The following KCNIP1 variants were observed in gnomAD, a reference collection of about 807,000 sequenced individuals.
KCNIP1 encodes potassium voltage-gated channel interacting protein 1.
A neutral mutation model predicts 33.0 loss-of-function variants in KCNIP1; 18 were observed. The ratio of observed to expected loss-of-function variants is 0.55; its 90% confidence interval spans 0.38 to 0.81. The LOEUF (loss-of-function observed/expected upper bound fraction) is 0.81. Among genes scored for constraint, KCNIP1 ranks in the 30% least tolerant of loss-of-function variants. KCNIP1 has a pLI of 0.00. For synonymous variants in KCNIP1, 93 were observed against 98.3 expected (o/e 0.95, Z 0.32); for missense variants, 238 against 271.6 (o/e 0.88, Z 0.87).
chr5:170,488,930 G>GCTGAGCCGGGGC (rs892502869), intron 1 of KCNIP1, among the ~76,000 whole-genome samples: 1 of 152,214 alleles, frequency 6.6e-6, no homozygotes, highest in African/African-American at 2.4e-5. Context: ...GTGCAGAGAA[G>GCTGAGCCGGGGC]CTGAGCCGGG....
chr5:170,721,656 T>G (rs1763828640), intron 3 of KCNIP1, 177 bp from the exon 4 acceptor site: 8 of 1,364,160 alleles, frequency 5.9e-6, no homozygotes, highest in Non-Finnish European at 8.1e-6. Flanking sequence ...TTGCTAGATC[T>G]AACTTCACAC....
At chr5:170,513,316 C>G (rs1449711387) in intron 1 of KCNIP1, among the ~76,000 whole-genome samples, 1 of 152,190 alleles carries the variant, frequency 6.6e-6, no homozygotes, top group Non-Finnish European at 1.5e-5. Flanking sequence ...TCACACAGCT[C>G]AAGTGTTAGG....
At chr5:170,572,451 A>G (rs1218723771) in intron 1 of KCNIP1, among the ~76,000 whole-genome samples, 1 of 152,190 alleles carries the variant, frequency 6.6e-6, no homozygotes, top group African/African-American at 2.4e-5. Flanking sequence ...TTGCGCTCAC[A>G]GTGCTTTCTT....
At chr5:170,500,093 T>G (rs2113221113), upstream of KCNIP1, among the ~76,000 whole-genome samples, 1 of 152,296 alleles carries the variant, frequency 6.6e-6, no homozygotes, top group East Asian at 1.9e-4. Context: ...TGGTGTCTGG[T>G]GAGGCCTCTC....
intron 1 of KCNIP1, among the ~76,000 whole-genome samples, chr5:170,450,355 G>C (rs546493728): frequency 6.6e-6 from 1 of 152,156 alleles, no homozygotes; most frequent in Non-Finnish European, 1.5e-5. Flanking sequence ...CACTCAGCCA[G>C]GGTCTGCGGG....
intron 1 of KCNIP1, among the ~76,000 whole-genome samples, chr5:170,484,491 G>A (rs1757042556): frequency 6.6e-6 from 1 of 152,074 alleles, no homozygotes; most frequent in Non-Finnish European, 1.5e-5. Context: ...TGGCTGCCGG[G>A]CCTCCCTCTG....
intron 1 of KCNIP1, among the ~76,000 whole-genome samples, chr5:170,694,041 G>A (rs564920918): frequency 6.6e-6 from 1 of 152,292 alleles, no homozygotes; most frequent in South Asian, 2.1e-4. Context: ...CGGGATGACA[G>A]GTGCCATTGC....
chr5:170,512,016 C>G (rs1172498780), intron 1 of KCNIP1, among the ~76,000 whole-genome samples: 6 of 152,044 alleles, frequency 3.9e-5, no homozygotes, highest in African/African-American at 1.5e-4. Flanking sequence ...TAGCCCCATC[C>G]CAACCCCGCC....
intron 1 of KCNIP1, among the ~76,000 whole-genome samples, chr5:170,665,442 T>C (rs1308017053): frequency 1.3e-5 from 2 of 152,188 alleles, no homozygotes; most frequent in African/African-American, 4.8e-5. Flanking sequence ...TCTCCTGCCA[T>C]GCTCTGTTCC....
chr5:170,648,934 T>C (rs1760900701), intron 1 of KCNIP1, among the ~76,000 whole-genome samples: 1 of 152,218 alleles, frequency 6.6e-6, no homozygotes, highest in Admixed American at 6.5e-5. Context: ...AAATAAAGTT[T>C]ATTAATCAAC....
intron 1 of KCNIP1, among the ~76,000 whole-genome samples, chr5:170,534,722 A>G (rs1423025186): frequency 1.3e-5 from 2 of 151,362 alleles, no homozygotes. Flanking sequence ...GGGTCTCATT[A>G]TGTTCCCCAG....
intron 1 of KCNIP1, among the ~76,000 whole-genome samples, chr5:170,464,075 G>A (rs1261642678): frequency 1.3e-5 from 2 of 151,986 alleles, no homozygotes; most frequent in African/African-American, 4.8e-5. Flanking sequence ...AAATCCTTAT[G>A]AATAAATTTA....
chr5:170,597,474 A>G (rs1018837558), intron 1 of KCNIP1, among the ~76,000 whole-genome samples: 3 of 151,124 alleles, frequency 2.0e-5, no homozygotes, highest in African/African-American at 7.3e-5. Context: ...CAACCCACCC[A>G]CCCCCGCACA....
chr5:170,670,065 A>C (rs1761855082), intron 1 of KCNIP1, among the ~76,000 whole-genome samples: 1 of 152,244 alleles, frequency 6.6e-6, no homozygotes, highest in East Asian at 1.9e-4. Context: ...TTTTTGACGG[A>C]GTCTGGGCCA....
intron 1 of KCNIP1, among the ~76,000 whole-genome samples, chr5:170,646,853 CA>C (rs1407094283): frequency 2.6e-5 from 4 of 151,964 alleles, no homozygotes; most frequent in African/African-American, 9.7e-5. Context: ...GAATCAACAA[CA>C]AAAACAAAAA....
intron 1 of KCNIP1, among the ~76,000 whole-genome samples, chr5:170,531,678 T>C (rs1379932752): frequency 3.3e-5 from 5 of 152,172 alleles, no homozygotes; most frequent in Admixed American, 1.3e-4. Context: ...TCTGTTCCTT[T>C]CCCCTACAGT....
At chr5:170,541,156 T>C (rs568349383) in intron 1 of KCNIP1, among the ~76,000 whole-genome samples, 46 of 152,304 alleles carry the variant, frequency 3.0e-4, no homozygotes, top group African/African-American at 1.1e-3. Flanking sequence ...TTCCCATCTA[T>C]AAAATGGGCC....
chr5:170,681,123 G>T, intron 1 of KCNIP1: 1 of 399,288 alleles, frequency 2.5e-6, no homozygotes, highest in African/African-American at 2.1e-5. Context: ...AGTGGTGGTC[G>T]TGTGCTCCTC....
intron 2 of KCNIP1, 38 bp downstream of exon 2, chr5:170,718,920 TC>T: frequency 6.3e-7 from 1 of 1,591,800 alleles, no homozygotes; most frequent in Non-Finnish European, 8.5e-7. Flanking sequence ...TGGGGGGGGT[TC>T]CCACGTGAGG....
Sources: allele counts gnomAD v4.1 joint callset (sites outside exome capture counted in the v4.1 genomes callset), GRCh38; gene constraint gnomAD v4.1.1; transcripts MANE v1.5; gene names NCBI Gene and HGNC (gene_info 2026-07-23, HGNC 2026-07-21).